VAV3: variants seen among roughly 807,000 people sequenced by gnomAD.
The protein encoded by VAV3 is vav guanine nucleotide exchange factor 3.
Under a neutral mutation model 131.2 loss-of-function variants are expected in VAV3, and 94 were observed. The ratio of observed to expected loss-of-function variants is 0.72; its 90% CI spans 0.61 to 0.85. VAV3 has a LOEUF of 0.85. Among genes scored for constraint, VAV3 ranks in the 40% least tolerant of loss-of-function variants. The pLI is 0.00. For missense variants in VAV3, 939 were observed against 1,002.7 expected (o/e 0.94, Z 0.86); for synonymous variants, 349 against 342.0 (o/e 1.02, Z -0.22).
chr1:107,609,184 T>C (rs1652527672), intron 22 of VAV3, among the ~76,000 whole-genome samples: 1 of 152,186 alleles, frequency 6.6e-6, no homozygotes, highest in Non-Finnish European at 1.5e-5. Flanking sequence ...ATATAGTAAA[T>C]ACTCAGTATA....
chr1:107,738,034 G>T (rs192861166), intron 15 of VAV3, among the ~76,000 whole-genome samples: 3 of 152,166 alleles, frequency 2.0e-5, no homozygotes, highest in African/African-American at 7.2e-5. Context: ...CCATAAAAAA[G>T]GATGAGTTCA....
intron 2 of VAV3, among the ~76,000 whole-genome samples, chr1:107,873,602 A>C (rs1056822736): frequency 1.8e-4 from 27 of 152,114 alleles, no homozygotes; most frequent in African/African-American, 6.5e-4. Context: ...GCCACAGACA[A>C]ATGCGCTCCC....
chr1:107,593,091 C>G (rs1328402728), intron 25 of VAV3, among the ~76,000 whole-genome samples: 1 of 151,986 alleles, frequency 6.6e-6, no homozygotes, highest in Non-Finnish European at 1.5e-5. Context: ...AGATAAAATC[C>G]CATCACTCTG....
chr1:107,730,864 T>C (rs1327977087), intron 15 of VAV3, among the ~76,000 whole-genome samples: 1 of 152,138 alleles, frequency 6.6e-6, no homozygotes, highest in Non-Finnish European at 1.5e-5. Flanking sequence ...TTGCTACAAA[T>C]GAGGCAGCAT....
intron 15 of VAV3, 89 bp from the exon 16 acceptor site, chr1:107,705,150 C>T (rs1410576377): frequency 1.9e-6 from 2 of 1,036,804 alleles, no homozygotes; most frequent in Admixed American, 2.0e-5. Context: ...ATCAAAATGA[C>T]ATCAGGTAGA....
chr1:107,732,665 C>T (rs1385801189), intron 15 of VAV3, among the ~76,000 whole-genome samples: 7 of 152,208 alleles, frequency 4.6e-5, no homozygotes. Flanking sequence ...GGGGAAGGGG[C>T]ATCTGCCATT....
At chr1:107,713,042 AT>A (rs1188636505) in intron 15 of VAV3, among the ~76,000 whole-genome samples, 1 of 152,178 alleles carries the variant, frequency 6.6e-6, no homozygotes, top group Non-Finnish European at 1.5e-5. Flanking sequence ...TTCTATTCAC[AT>A]TTTTATAACA....
intron 2 of VAV3, among the ~76,000 whole-genome samples, chr1:107,781,937 A>C (rs558214933): frequency 6.6e-6 from 1 of 152,332 alleles, no homozygotes; most frequent in South Asian, 2.1e-4. Context: ...TCACTTGCTA[A>C]AATACCAAAA....
chr1:107,625,254 CT>C (rs11331254), intron 20 of VAV3, among the ~76,000 whole-genome samples: 105,187 of 124,448 alleles, frequency 0.85, 44,155 homozygotes, highest in East Asian at 0.94. Context: ...GTAATTTAAT[CT>C]TTTTTTTTTT....
intron 15 of VAV3, 121 bp downstream of exon 15, chr1:107,748,847 T>C (rs1352193379): frequency 1.0e-5 from 8 of 773,252 alleles, no homozygotes; most frequent in Non-Finnish European, 1.6e-5. Context: ...AGCAAAAACA[T>C]TCCCGTCGCT....
At position 107,674,417 on chromosome 1, in the gene VAV3, C is replaced by T. The variant is rs540852898; in HGVS notation, c.1777+9071G>A. On this transcript the variant is annotated intron_variant, in intron 19 of 26. Transcript: ENST00000370056. ...TTCAGATTAACATTTTCAAAATTAA[C>T]AATGCATAAAATAAAATCACCCATA... Among the ~76,000 whole-genome samples the T allele has an allele frequency of 1.1e-3, 165 of 152,196 alleles. 1 individual carries two copies. Among genetic ancestry groups the T allele is most frequent in the African/African-American group, 3.9e-3 (160 of 41,546 alleles).
chr1:107,831,726 A>T (rs1184860186), intron 2 of VAV3, among the ~76,000 whole-genome samples: 3 of 152,222 alleles, frequency 2.0e-5, no homozygotes, highest in Non-Finnish European at 4.4e-5. Context: ...TTAAACCTCT[A>T]TTTTTGGGAT....
rs1390182724 is a variant in VAV3 at position 107,766,498 on chromosome 1, A to G, written c.770T>C (p.Val257Ala). 2.5e-6 allele frequency: 4 copies of G among 1,613,468 alleles called. No homozygotes were observed. The highest frequency in any genetic ancestry group is 3.4e-6 in the Non-Finnish European group (4 of 1,179,758). ...GTACAAGTTCTGGTCATTTTTATTT[A>G]CAATGGAATCATGAATCTCTTGCAT... ...NLMQEIHDSI[V>A]NKNDQNLYQV... The change falls in exon 8 of 27, where the codon GTA (valine) becomes GCA (alanine). Residue 257 changes from valine to alanine, a missense_variant. Physicochemically the swap from Val to Ala is moderately conservative, Grantham distance 64 (BLOSUM62 0). Transcript: ENST00000370056.
intron 19 of VAV3, among the ~76,000 whole-genome samples, chr1:107,650,209 C>G (rs1290871247): frequency 6.6e-6 from 1 of 152,084 alleles, no homozygotes; most frequent in Non-Finnish European, 1.5e-5. Context: ...TGATAATAGG[C>G]AGTCTTGAGG....
At chr1:107,578,092 G>A (rs573197237) in intron 25 of VAV3, among the ~76,000 whole-genome samples, 1 of 152,256 alleles carries the variant, frequency 6.6e-6, no homozygotes, top group African/African-American at 2.4e-5. Flanking sequence ...GACTTATTAA[G>A]GAGATTCCCA....
chr1:107,937,402 C>T lies in VAV3; in HGVS notation c.204+27264G>A, dbSNP rs143178784. Among the ~76,000 whole-genome samples, 740 of 152,318 alleles carry T rather than the reference C, an allele frequency of 4.9e-3. 4 individuals are homozygous for T. The highest frequency in any genetic ancestry group is 0.017 in the South Asian group (83 of 4,830). On this transcript the variant is annotated intron_variant, in intron 1 of 26. Transcript: ENST00000370056. ...AAAAGGTTTTCTTCAAACCAAACTT[C>T]CATCTCTGCCTGCCAAATACCAGTA...
rs1396921642 is a variant in VAV3, at chr1:107,571,380, G to A, written c.*1951C>T. On this transcript the variant is annotated 3_prime_UTR_variant, in exon 27 of 27. Transcript: ENST00000370056. ...CGTGGACAAAGATGTAATTGGTAAT[G>A]TCACAAAAAGGGGCTCCAATATCCT... The A allele has an allele frequency of 2.0e-5, 3 of 152,630 alleles. No homozygotes were observed. Among genetic ancestry groups the A allele is most frequent in the Non-Finnish European group, 2.9e-5 (2 of 68,042 alleles). 9.5% of individuals were successfully genotyped at this position (152,630 alleles called of 1,614,324 possible). A position where few individuals can be genotyped will look rare whatever the true frequency, so the allele number is the denominator to read the frequency against.
At chr1:107,844,733 G>A (rs532637719) in intron 2 of VAV3, among the ~76,000 whole-genome samples, 1 of 152,294 alleles carries the variant, frequency 6.6e-6, no homozygotes, top group Admixed American at 6.5e-5. Context: ...CAAAGCCCCT[G>A]TAACCACACT....
chr1:107,828,265 G>T (rs17020144), intron 2 of VAV3, among the ~76,000 whole-genome samples: 3 of 152,020 alleles, frequency 2.0e-5, no homozygotes, highest in African/African-American at 7.2e-5. Flanking sequence ...CCTTTCAAGC[G>T]TACAAGATTC....
Sources: gnomAD v4.1 joint callset for allele counts (sites outside exome capture counted in the v4.1 genomes callset) on GRCh38, gnomAD v4.1.1 for gene constraint, MANE v1.5 for transcripts, NCBI Gene and HGNC (gene_info 2026-07-23, HGNC 2026-07-21) for gene names.